ERC1: variants seen among roughly 807,000 people sequenced by gnomAD.
ERC1 encodes the protein ELKS/RAB6-interacting/CAST family member 1, also known as RAB6 interacting protein 2.
A neutral mutation model predicts 132.0 loss-of-function variants in ERC1; 56 were observed. That is an observed-to-expected ratio of 0.42 (90% confidence interval 0.34 to 0.53). ERC1 has a LOEUF of 0.53. Among genes scored for constraint, ERC1 ranks in the 20% least tolerant of loss-of-function variants. The pLI is 0.03. For synonymous variants in ERC1, 478 were observed against 476.1 expected (o/e 1.00, Z -0.05); for missense variants, 1,202 against 1,349.9 (o/e 0.89, Z 1.72).
At chr12:1,477,274 C>T (rs2093993305) in intron 18 of ERC1, among the ~76,000 whole-genome samples, 1 of 152,178 alleles carries the variant, frequency 6.6e-6, no homozygotes, top group Non-Finnish European at 1.5e-5. Context: ...GTGTTAATCA[C>T]TAAAGCACTT....
chr12:1,468,466 G>A (rs887136173), intron 18 of ERC1, among the ~76,000 whole-genome samples: 3 of 152,182 alleles, frequency 2.0e-5, no homozygotes, highest in Admixed American at 1.3e-4. Flanking sequence ...GCCCAGCATT[G>A]TGTTGCACAC....
chr12:1,359,206 G>T (rs2085836924), intron 15 of ERC1, among the ~76,000 whole-genome samples: 1 of 152,100 alleles, frequency 6.6e-6, no homozygotes, highest in African/African-American at 2.4e-5. Flanking sequence ...CATGGTGAGG[G>T]GTTGGATAAT....
chr12:1,362,208 C>T (rs909403356), intron 15 of ERC1, among the ~76,000 whole-genome samples: 1 of 152,188 alleles, frequency 6.6e-6, no homozygotes, highest in Non-Finnish European at 1.5e-5. Flanking sequence ...GATTCTGCAT[C>T]ATATTCAGTC....
rs573547228 is a variant in ERC1, at chr12:1,462,950, C to T, written c.3213+18200C>T. ...GTACAAATTTCTTTTTTTTTTCCAC[C>T]GTAAATGCCAGCCTCCCATCAGAGG... On this transcript the variant is annotated intron_variant, in intron 18 of 18. Coordinates refer to ENST00000360905, the MANE Select transcript of ERC1 (RefSeq NM_178040.4). Among the ~76,000 whole-genome samples, 18 of 151,542 alleles carry T rather than the reference C, an allele frequency of 1.2e-4. No individual in the cohort carries two copies. The South Asian group carries it at 3.1e-3, about 26-fold the overall frequency.
intron 8 of ERC1, among the ~76,000 whole-genome samples, chr12:1,179,808 C>T (rs955696310): frequency 6.6e-6 from 1 of 152,148 alleles, no homozygotes; most frequent in Non-Finnish European, 1.5e-5. Context: ...CGCCCGGCCT[C>T]ATTTTTCTTC....
chr12:1,454,922 G>A (rs1160413058), intron 18 of ERC1, among the ~76,000 whole-genome samples: 1 of 152,134 alleles, frequency 6.6e-6, no homozygotes, highest in Non-Finnish European at 1.5e-5. Context: ...ACATATTCTT[G>A]ACATTTTTCA....
At chr12:1,470,959 CCT>C (rs1306398232) in intron 18 of ERC1, among the ~76,000 whole-genome samples, 17 of 152,180 alleles carry the variant, frequency 1.1e-4, no homozygotes, top group African/African-American at 3.9e-4. Flanking sequence ...GAGATGGTCC[CCT>C]GTTTTCTTAG....
At chr12:1,096,395 A>G (rs1304071064) in intron 3 of ERC1, among the ~76,000 whole-genome samples, 1 of 152,270 alleles carries the variant, frequency 6.6e-6, no homozygotes, top group African/African-American at 2.4e-5. Flanking sequence ...AAAATGTTGT[A>G]AAGTATAGGT....
intron 15 of ERC1, among the ~76,000 whole-genome samples, chr12:1,348,548 C>G (rs2154365507): frequency 6.6e-6 from 1 of 152,188 alleles, no homozygotes; most frequent in Non-Finnish European, 1.5e-5. Flanking sequence ...CAAAAATTAG[C>G]TGGGCGTGGT....
At chr12:1,243,164 G>A (rs940184588) in intron 13 of ERC1, among the ~76,000 whole-genome samples, 10 of 149,590 alleles carry the variant, frequency 6.7e-5, no homozygotes, top group African/African-American at 9.8e-5. Flanking sequence ...TCCGCAGTCC[G>A]GCCTGGGCGA....
At chr12:1,266,455 A>G (rs1400659101) in intron 14 of ERC1, among the ~76,000 whole-genome samples, 1 of 114,622 alleles carries the variant, frequency 8.7e-6, no homozygotes, top group African/African-American at 3.5e-5. Context: ...CCCGGGCTGG[A>G]GTGTAATGGC....
intron 15 of ERC1, among the ~76,000 whole-genome samples, chr12:1,312,504 G>C (rs1057042801): frequency 8.6e-5 from 13 of 152,042 alleles, no homozygotes; most frequent in African/African-American, 3.1e-4. Context: ...GATTATAGGT[G>C]CCTGCCACCA....
At chr12:1,480,702 T>G (rs2094071501) in intron 18 of ERC1, 1 of 607,160 alleles carries the variant, frequency 1.6e-6, no homozygotes, top group South Asian at 1.9e-5. Flanking sequence ...GGGCCTGCCT[T>G]GAGGAGGTGA....
chr12:1,063,418 G>A lies in ERC1; in HGVS notation c.670-19746G>A, dbSNP rs538854495. On this transcript the variant is annotated intron_variant, in intron 2 of 18. Coordinates refer to ENST00000360905, the MANE Select transcript of ERC1 (RefSeq NM_178040.4). ...TGGGATTACAGGCATGTGCCACCAC[G>A]CCTGGCTAATTTTTGTATTTTTAGT... Among the ~76,000 whole-genome samples the A allele has an allele frequency of 4.9e-4, 74 of 152,160 alleles. No homozygotes were observed. In the South Asian group the frequency reaches 7.5e-3, roughly 15 times the overall value.
chr12:1,475,611 G>A (rs1003359000), intron 18 of ERC1, among the ~76,000 whole-genome samples: 1 of 152,172 alleles, frequency 6.6e-6, no homozygotes, highest in African/African-American at 2.4e-5. Flanking sequence ...GGGAATGGCA[G>A]GTATGTACCA....
intron 17 of ERC1, among the ~76,000 whole-genome samples, chr12:1,427,064 A>G (rs1398270376): frequency 1.3e-5 from 2 of 152,172 alleles, no homozygotes; most frequent in Non-Finnish European, 2.9e-5. Flanking sequence ...ACACCAGCCT[A>G]GAAGTGTCTC....
At chr12:1,322,636 A>G (rs1487594704) in intron 15 of ERC1, among the ~76,000 whole-genome samples, 1 of 152,192 alleles carries the variant, frequency 6.6e-6, no homozygotes. Context: ...TGATAATTCC[A>G]TAATTCTCAG....
chr12:1,408,007 T>A, intron 16 of ERC1, 142 bp from the exon 17 acceptor site: 1 of 609,104 alleles, frequency 1.6e-6, no homozygotes, highest in East Asian at 2.8e-5. Context: ...TCCAGTATCC[T>A]CAGAAATCCC....
intron 14 of ERC1, among the ~76,000 whole-genome samples, chr12:1,276,736 A>G (rs1251846934): frequency 1.3e-5 from 2 of 152,320 alleles, no homozygotes; most frequent in East Asian, 3.9e-4. Flanking sequence ...CCTGGTACAC[A>G]ATGGCATTCA....
Sources: gnomAD v4.1 joint callset for allele counts (sites outside exome capture counted in the v4.1 genomes callset) on GRCh38, gnomAD v4.1.1 for gene constraint, MANE v1.5 for transcripts, NCBI Gene and HGNC (gene_info 2026-07-23, HGNC 2026-07-21) for gene names.